Variants in GABRP observed in about 807,000 individuals in gnomAD.
The protein encoded by GABRP is gamma-aminobutyric acid receptor subunit pi.
A neutral mutation model predicts 47.8 loss-of-function variants in GABRP; 52 were observed. The ratio of observed to expected loss-of-function variants is 1.09; its 90% confidence interval spans 0.87 to 1.37. GABRP has a LOEUF of 1.37. Ranked by LOEUF, GABRP falls within the 40% of genes most tolerant of loss-of-function variation. The pLI, the probability that GABRP is intolerant of heterozygous loss-of-function variation, is 0.00. For missense variants in GABRP, 525 were observed against 542.8 expected, an observed-to-expected ratio of 0.97 and a Z score of 0.33; for synonymous variants, 221 against 205.8, an observed-to-expected ratio of 1.07 and a Z score of -0.63.
intron 6 of GABRP, among the ~76,000 whole-genome samples, chr5:170,800,715 G>A (rs1765568869): frequency 6.6e-6 from 1 of 152,234 alleles, no homozygotes; most frequent in Non-Finnish European, 1.5e-5. Context: ...GGAGGCCAAG[G>A]TGGACAGATT....
At chr5:170,790,814 C>A (rs1474961844) in intron 3 of GABRP, among the ~76,000 whole-genome samples, 1 of 152,146 alleles carries the variant, frequency 6.6e-6, no homozygotes, top group African/African-American at 2.4e-5. Context: ...TTGGCTGTGG[C>A]CCATGAGAAG....
chr5:170,788,774 C>A, intron 2 of GABRP, 106 bp downstream of exon 2: 1 of 1,041,232 alleles, frequency 9.6e-7, no homozygotes, highest in Non-Finnish European at 1.5e-6. Flanking sequence ...AGGCAAAACC[C>A]GGTCCACTCA....
At chr5:170,788,695 C>G in intron 2 of GABRP, 27 bp downstream of exon 2, 1 of 1,610,742 alleles carries the variant, frequency 6.2e-7, no homozygotes, top group Non-Finnish European at 8.5e-7. Flanking sequence ...CCAGAATGGC[C>G]TCCATCTGCG....
intron 1 of GABRP, among the ~76,000 whole-genome samples, chr5:170,787,990 C>A (rs924628916): frequency 3.3e-5 from 5 of 152,202 alleles, no homozygotes; most frequent in African/African-American, 1.2e-4. Flanking sequence ...GATAAACTGG[C>A]TGCATTTCTG....
At chr5:170,796,114 C>G (rs1459633086) in intron 5 of GABRP, among the ~76,000 whole-genome samples, 2 of 152,184 alleles carry the variant, frequency 1.3e-5, no homozygotes, top group Non-Finnish European at 2.9e-5. Context: ...TCCCAGAGGC[C>G]TTGGGGAGGA....
intron 6 of GABRP, among the ~76,000 whole-genome samples, chr5:170,799,095 A>G (rs1765518457): frequency 1.3e-5 from 2 of 152,164 alleles, no homozygotes. Context: ...CCATGTCTCT[A>G]CAAAGGACAT....
At chr5:170,803,887 C>T (rs1765658548) in intron 6 of GABRP, among the ~76,000 whole-genome samples, 1 of 152,058 alleles carries the variant, frequency 6.6e-6, no homozygotes, top group South Asian at 2.1e-4. Context: ...AGTGATTCTC[C>T]TATCTCAGCC....
intron 1 of GABRP, among the ~76,000 whole-genome samples, chr5:170,785,706 C>G (rs1164881830): frequency 6.6e-6 from 1 of 152,100 alleles, no homozygotes; most frequent in African/African-American, 2.4e-5. Context: ...GGATGGTTCC[C>G]CAAATCACTT....
rs1364227397 is a variant in GABRP at position 170,812,451 on chromosome 5, A to T, written c.*193A>T. The T allele has an allele frequency of 1.1e-5, 6 of 570,424 alleles. No homozygotes were observed. In the Admixed American group the frequency reaches 1.2e-4, roughly 12 times the overall value. 35.3% of individuals were successfully genotyped at this position (570,424 alleles called of 1,614,324 possible). On this transcript the variant is annotated 3_prime_UTR_variant, in exon 10 of 10. Transcript: ENST00000265294. Reference sequence around the variant, plus strand: ...TGTGTAGAAGTCCTAGCATTATAGGATCTTGTAATAGAAACATCAGTCCAT... The same window carrying T: ...TGTGTAGAAGTCCTAGCATTATAGGTTCTTGTAATAGAAACATCAGTCCAT...
intron 9 of GABRP, among the ~76,000 whole-genome samples, chr5:170,810,511 G>A (rs1002721442): frequency 2.3e-4 from 35 of 152,286 alleles, no homozygotes; most frequent in African/African-American, 8.4e-4. Context: ...TCCAAAGCCT[G>A]ACACTTATCC....
Position 170,794,193 on chromosome 5 carries a change from G to A in GABRP, c.173-38G>A. 4.9e-6 allele frequency: 7 copies of A among 1,440,678 alleles called. No individual in the cohort carries two copies. In the South Asian group the frequency reaches 5.9e-5, roughly 12 times the overall value. 89.2% of individuals were successfully genotyped at this position (1,440,678 alleles called of 1,614,324 possible). A position where few individuals can be genotyped will look rare whatever the true frequency, so the allele number is the denominator to read the frequency against. The stretch of plus-strand genomic sequence containing the variant: ...TAATATAGTATTAAGACAGCTCATG[G>A]TTGTGTTTCCATTCTTTCTTGTTTT... On this transcript the variant is annotated intron_variant, in intron 3 of 9. Coordinates refer to ENST00000265294, the MANE Select transcript of GABRP (RefSeq NM_014211.3).
chr5:170,792,764 C>T (rs1341103601), intron 3 of GABRP, among the ~76,000 whole-genome samples: 1 of 152,202 alleles, frequency 6.6e-6, no homozygotes, highest in Non-Finnish European at 1.5e-5. Flanking sequence ...TATCCTATGG[C>T]TTAGTCTCCT....
In GABRP at chr5:170,788,669, G is replaced by A; in HGVS notation, c.53+1G>A. ...TGTGTCTGAGTCTCTTCACTGAGAG[G>A]TGAGCTTTGCTACCCCCAGAATGGC... On this transcript the variant is annotated splice_donor_variant, in intron 2 of 9. Transcript: ENST00000265294. LOFTEE classifies it high-confidence loss of function. 1 of 1,613,946 alleles carries A rather than the reference G, an allele frequency of 6.2e-7. No individual in the cohort carries two copies. The highest frequency in any genetic ancestry group is 8.5e-7 in the Non-Finnish European group (1 of 1,179,916).
chr5:170,797,858 C>T (rs1434296613), intron 6 of GABRP, among the ~76,000 whole-genome samples: 1 of 152,160 alleles, frequency 6.6e-6, no homozygotes, highest in Non-Finnish European at 1.5e-5. Flanking sequence ...GCTGGTGTGC[C>T]CAATCCAGCC....
Position 170,797,567 on chromosome 5 carries a change from G to A in GABRP, c.541+19G>A, listed in dbSNP as rs772567315. 11 of 1,495,956 alleles carry A rather than the reference G, an allele frequency of 7.4e-6. No individual in the cohort carries two copies. The Admixed American group carries it at 1.2e-4, about 16-fold the overall frequency. 92.7% of individuals were successfully genotyped at this position (1,495,956 alleles called of 1,614,324 possible). A position where few individuals can be genotyped will look rare whatever the true frequency, so the allele number is the denominator to read the frequency against. On this transcript the variant is annotated intron_variant, in intron 6 of 9. Coordinates refer to ENST00000265294, the MANE Select transcript of GABRP (RefSeq NM_014211.3). Reference sequence around the variant, plus strand: ...GAAAGCTGTAAGTATACATCCTACAGGCTCCTGAGATGATTTTCCTGGGTG... The same window carrying A: ...GAAAGCTGTAAGTATACATCCTACAAGCTCCTGAGATGATTTTCCTGGGTG...
At position 170,788,573 on chromosome 5, in the gene GABRP, G is replaced by T. The variant is rs1765183616; in HGVS notation, c.-42-1G>T. ...CACTTACCTTGCCCCCTGTTTCCCA[G>T]GTGATTCCTACTTCAGCCCCTTGGT... is the stretch of plus-strand genomic sequence containing the variant. On this transcript the variant is annotated splice_acceptor_variant, in intron 1 of 9. Transcript: ENST00000265294. LOFTEE classifies it low-confidence loss of function (5UTR_SPLICE). The T allele has an allele frequency of 6.2e-7, 1 of 1,609,238 alleles. No individual in the cohort carries two copies. The highest frequency in any genetic ancestry group is 1.7e-5 in the Admixed American group (1 of 59,984).
At chr5:170,805,275 G>T (rs532455020) in intron 6 of GABRP, among the ~76,000 whole-genome samples, 1 of 152,128 alleles carries the variant, frequency 6.6e-6, no homozygotes, top group East Asian at 1.9e-4. Flanking sequence ...TAATAAAGCA[G>T]GTTTTTTGTT....
At chr5:170,800,437 G>A (rs1455514046) in intron 6 of GABRP, among the ~76,000 whole-genome samples, 1 of 152,266 alleles carries the variant, frequency 6.6e-6, no homozygotes, top group South Asian at 2.1e-4. Flanking sequence ...CATGGGCAAG[G>A]ACTTCATGTC....
At chr5:170,794,551 G>A (rs909401846) in intron 4 of GABRP, among the ~76,000 whole-genome samples, 6 of 152,050 alleles carry the variant, frequency 3.9e-5, no homozygotes, top group Admixed American at 2.6e-4. Context: ...GAAGAAAATC[G>A]GTTCAAGAGC....
Sources: gnomAD v4.1 joint callset for allele counts (sites outside exome capture counted in the v4.1 genomes callset) on GRCh38, gnomAD v4.1.1 for gene constraint, MANE v1.5 for transcripts, NCBI Gene and HGNC (gene_info 2026-07-23, HGNC 2026-07-21) for gene names.